CARNMT1: variants seen among roughly 807,000 people sequenced by gnomAD.
CARNMT1 encodes protein-L-histidine N-pros-methyltransferase CARNMT1.
CARNMT1 carries 28 observed loss-of-function variants against 49.6 expected under a neutral mutation model. That is an observed-to-expected ratio of 0.56 (90% CI 0.42 to 0.77). The LOEUF (loss-of-function observed/expected upper bound fraction) is 0.77, where lower values mean the gene tolerates loss of function less well. Among genes scored for constraint, CARNMT1 ranks in the 30% least tolerant of loss-of-function variants. The pLI, the probability that CARNMT1 is intolerant of heterozygous loss-of-function variation, is 0.00. For missense variants in CARNMT1, 421 were observed against 512.6 expected (o/e 0.82, Z 1.73); for synonymous variants, 178 against 175.0 (o/e 1.02, Z -0.13).
chr9:74,982,439 A>G lies in CARNMT1; in HGVS notation c.*1328T>C, dbSNP rs1281929916. 1 of 152,198 alleles carries G rather than the reference A, an allele frequency of 6.6e-6. No homozygotes were observed. The highest frequency in any genetic ancestry group is 2.4e-5 in the African/African-American group (1 of 41,446). 9.4% of individuals were successfully genotyped at this position (152,198 alleles called of 1,614,324 possible). ...CAGAATATCATACATTAAAAAATAC[A>G]AAGGAAAACTCCCTCCAATAAAGAT... On this transcript the variant is annotated 3_prime_UTR_variant, in exon 8 of 8. Coordinates refer to ENST00000376834, the MANE Select transcript of CARNMT1 (RefSeq NM_152420.3).
In CARNMT1 at chr9:74,982,703, A is replaced by G. The variant is rs1832719658; in HGVS notation, c.*1064T>C. 1 of 152,216 alleles carries G rather than the reference A, an allele frequency of 6.6e-6. No homozygotes were observed. Among genetic ancestry groups the G allele is most frequent in the African/African-American group, 2.4e-5 (1 of 41,458 alleles). 9.4% of individuals were successfully genotyped at this position (152,216 alleles called of 1,614,324 possible). A position where few individuals can be genotyped will look rare whatever the true frequency, so the allele number is the denominator to read the frequency against. On this transcript the variant is annotated 3_prime_UTR_variant, in exon 8 of 8. Coordinates refer to ENST00000376834, the MANE Select transcript of CARNMT1 (RefSeq NM_152420.3). ...AAAAAAGTGCTTGCTTTCATAATCCAGATATTCTAAAGAAAAGACATTATT... is the reference window on the plus strand; with the variant it reads ...AAAAAAGTGCTTGCTTTCATAATCCGGATATTCTAAAGAAAAGACATTATT...
intron 1 of CARNMT1, among the ~76,000 whole-genome samples, chr9:75,021,758 A>G (rs1340708506): frequency 1.3e-5 from 2 of 151,968 alleles, no homozygotes; most frequent in African/African-American, 4.8e-5. Context: ...TAGCAAGACC[A>G]TCCTCTCTAC....
At chr9:75,027,264 G>C in intron 1 of CARNMT1, 2 of 580,056 alleles carry the variant, frequency 3.4e-6, no homozygotes, top group Non-Finnish European at 4.4e-6. Flanking sequence ...CTGTTTTTAT[G>C]AATGAGGAGC....
At chr9:75,019,092 C>T (rs1299059455) in intron 1 of CARNMT1, among the ~76,000 whole-genome samples, 2 of 151,818 alleles carry the variant, frequency 1.3e-5, no homozygotes, top group Admixed American at 6.6e-5. Context: ...TGGAATGCAG[C>T]GAAATGAGTA....
chr9:75,010,802 G>C (rs1299967403), intron 3 of CARNMT1, among the ~76,000 whole-genome samples: 1 of 149,134 alleles, frequency 6.7e-6, no homozygotes, highest in African/African-American at 2.5e-5. Context: ...GGTAGAGGCA[G>C]GGTGGGGAGA....
rs1832680989 is a variant in CARNMT1, at chr9:74,981,134, C to T, written c.*2633G>A. ...GCTTCCAATTCAGCTTTTGTGGCAA[C>T]TTTTAGAATGAGAGTTACATATAAA... On this transcript the variant is annotated 3_prime_UTR_variant, in exon 8 of 8. Coordinates refer to ENST00000376834, the MANE Select transcript of CARNMT1 (RefSeq NM_152420.3). 1 of 152,060 alleles carries T rather than the reference C, an allele frequency of 6.6e-6. No homozygotes were observed. Among genetic ancestry groups the T allele is most frequent in the South Asian group, 2.1e-4 (1 of 4,826 alleles). 9.4% of individuals were successfully genotyped at this position (152,060 alleles called of 1,614,324 possible).
At chr9:75,009,483 G>T (rs1441382138) in intron 3 of CARNMT1, among the ~76,000 whole-genome samples, 1 of 151,938 alleles carries the variant, frequency 6.6e-6, no homozygotes, top group Non-Finnish European at 1.5e-5. Context: ...CTACTCTGAT[G>T]CAGGAAAAAT....
chr9:75,024,037 C>G (rs981273214), intron 1 of CARNMT1, among the ~76,000 whole-genome samples: 1 of 152,176 alleles, frequency 6.6e-6, no homozygotes. Context: ...CTAACTCTCT[C>G]TAGAAACCTG....
At chr9:74,995,337 C>G (rs1251807330) in intron 6 of CARNMT1, among the ~76,000 whole-genome samples, 1 of 152,198 alleles carries the variant, frequency 6.6e-6, no homozygotes, top group African/African-American at 2.4e-5. Context: ...CAATATAGGG[C>G]TGCTTTGAGA....
At chr9:75,007,950 G>A (rs1160256650) in intron 3 of CARNMT1, among the ~76,000 whole-genome samples, 3 of 151,820 alleles carry the variant, frequency 2.0e-5, no homozygotes, top group African/African-American at 7.3e-5. Context: ...AGCTAACAGA[G>A]CTAATAAAGC....
rs1292623894 is a variant in CARNMT1, at chr9:75,028,083, G to C, written c.159C>G (p.Ser53Arg). 2 of 1,564,380 alleles carry C rather than the reference G, an allele frequency of 1.3e-6. No individual in the cohort carries two copies. The highest frequency in any genetic ancestry group is 1.7e-6 in the Non-Finnish European group (2 of 1,157,686). The change falls in exon 1 of 8, where the codon AGC (serine) becomes AGG (arginine). Residue 53 changes from serine (S) to arginine (R), a missense_variant. Coordinates refer to ENST00000376834, the MANE Select transcript of CARNMT1 (RefSeq NM_152420.3). ...CAAGCCTCTCCTCCTCCTCCTCGGTGCTGCGCGTGGCCGCCGCCGCTGCCG... is the reference window on the plus strand; with the variant it reads ...CAAGCCTCTCCTCCTCCTCCTCGGTCCTGCGCGTGGCCGCCGCCGCTGCCG... Reference protein sequence around the residue: ...VSAAAAAATRSTEEEEERLER... With the variant: ...VSAAAAAATRRTEEEEERLER...
chr9:74,983,918 C>T, intron 7 of CARNMT1, 50 bp from the exon 8 acceptor site: 1 of 1,299,084 alleles, frequency 7.7e-7, no homozygotes, highest in South Asian at 1.5e-5. Flanking sequence ...CATGACCACA[C>T]CACTAACAAA....
chr9:75,027,009 T>C (rs548608097), intron 1 of CARNMT1: 171 of 1,098,966 alleles, frequency 1.6e-4, no homozygotes, highest in Middle Eastern at 6.9e-4. Flanking sequence ...TAAAAAAACT[T>C]TGCATAAAGC....
At chr9:75,012,781 C>T (rs991330778) in intron 3 of CARNMT1, among the ~76,000 whole-genome samples, 5 of 151,524 alleles carry the variant, frequency 3.3e-5, no homozygotes, top group Admixed American at 6.6e-5. Flanking sequence ...AGCCAGGCGT[C>T]GTGGCGGGCG....
At chr9:75,016,071 C>G (rs1281313502) in intron 3 of CARNMT1, 197 bp downstream of exon 3, 4 of 431,812 alleles carry the variant, frequency 9.3e-6, no homozygotes, top group Admixed American at 4.0e-5. Flanking sequence ...TTCCCCTAAG[C>G]ACCAGCATAA....
At chr9:74,986,179 C>A (rs1832831195) in intron 6 of CARNMT1, among the ~76,000 whole-genome samples, 1 of 152,160 alleles carries the variant, frequency 6.6e-6, no homozygotes, top group Admixed American at 6.5e-5. Context: ...AATCCTGCAA[C>A]CAGCTCTCTA....
chr9:75,002,599 T>TA (rs1564097638), intron 3 of CARNMT1, among the ~76,000 whole-genome samples: 1 of 152,204 alleles, frequency 6.6e-6, no homozygotes, highest in South Asian at 2.1e-4. Flanking sequence ...TTGCTTCTTT[T>TA]AAAAAATATG....
chr9:74,988,390 CT>C (rs1260832927), intron 6 of CARNMT1, among the ~76,000 whole-genome samples: 2 of 152,164 alleles, frequency 1.3e-5, no homozygotes, highest in Admixed American at 6.5e-5. Context: ...TCCTTGCAGT[CT>C]TTCCTTGATG....
At chr9:75,027,711 C>A (rs1822571036) in intron 1 of CARNMT1, among the ~76,000 whole-genome samples, 1 of 152,238 alleles carries the variant, frequency 6.6e-6, no homozygotes, top group Non-Finnish European at 1.5e-5. Context: ...CTTCTCTGGT[C>A]ACCCCCATCG....
Sources: allele counts gnomAD v4.1 joint callset (sites outside exome capture counted in the v4.1 genomes callset), GRCh38; gene constraint gnomAD v4.1.1; transcripts MANE v1.5; gene names NCBI Gene and HGNC (gene_info 2026-07-23, HGNC 2026-07-21).